The following MEIKIN variants were observed in gnomAD, a reference collection of about 807,000 sequenced individuals.
The protein encoded by MEIKIN is meiosis-specific kinetochore protein.
chr5:131,827,802 A>C (rs1179376650), intron 11 of MEIKIN, among the ~76,000 whole-genome samples: 1 of 152,222 alleles, frequency 6.6e-6, no homozygotes, highest in African/African-American at 2.4e-5. Context: ...ATTATCAACA[A>C]TTACAGAATA....
chr5:131,917,937 T>C lies in MEIKIN; in HGVS notation c.599-1012A>G, dbSNP rs149204682. Among the ~76,000 whole-genome samples the C allele has an allele frequency of 5.2e-3, 790 of 152,062 alleles. 4 individuals are homozygous for C. Among genetic ancestry groups the C allele is most frequent in the African/African-American group, 0.017 (725 of 41,478 alleles). ...GTTTTTGCTGGTAACAGTCACCTCATTTTTTTTCCCCCGAGGGTCCAGGCA... is the reference window on the plus strand; with the variant it reads ...GTTTTTGCTGGTAACAGTCACCTCACTTTTTTTCCCCCGAGGGTCCAGGCA... On this transcript the variant is annotated intron_variant, in intron 6 of 12. Coordinates refer to ENST00000442687, the MANE Select transcript of MEIKIN (RefSeq NM_001303622.2).
At chr5:131,894,661 A>G (rs1465858338) in intron 8 of MEIKIN, among the ~76,000 whole-genome samples, 1 of 152,144 alleles carries the variant, frequency 6.6e-6, no homozygotes, top group Non-Finnish European at 1.5e-5. Flanking sequence ...CTTTGTAGCA[A>G]TTGTGAATGG....
chr5:131,891,553 T>G (rs1750918263), intron 8 of MEIKIN, among the ~76,000 whole-genome samples: 2 of 152,212 alleles, frequency 1.3e-5, no homozygotes, highest in South Asian at 2.1e-4. Flanking sequence ...TGCCTTTTTT[T>G]GTTTTCCATT....
intron 4 of MEIKIN, among the ~76,000 whole-genome samples, chr5:131,940,458 T>C (rs1479857584): frequency 2.0e-5 from 3 of 152,234 alleles, no homozygotes; most frequent in African/African-American, 7.2e-5. Context: ...ATATTATGGA[T>C]TCAGCGGCCT....
rs140611106 is a variant in MEIKIN, at chr5:131,920,522, G to A, written c.598+1300C>T. 4.8e-3 allele frequency among the ~76,000 whole-genome samples: 736 copies of A among 152,222 alleles called. 2 individuals are homozygous for A. Among genetic ancestry groups the A allele is most frequent in the Non-Finnish European group, 6.7e-3 (454 of 68,022 alleles). ...AGAGAAAACATAATCTTTAATTGGA[G>A]AAATTCAGCAGATACCACCTTAACT... On this transcript the variant is annotated intron_variant, in intron 6 of 12. Coordinates refer to ENST00000442687, the MANE Select transcript of MEIKIN (RefSeq NM_001303622.2).
chr5:131,895,239 C>T (rs1751016477), intron 8 of MEIKIN, among the ~76,000 whole-genome samples: 1 of 152,112 alleles, frequency 6.6e-6, no homozygotes, highest in African/African-American at 2.4e-5. Context: ...GGATGAAGCC[C>T]ACTGGATCAT....
intron 9 of MEIKIN, among the ~76,000 whole-genome samples, chr5:131,869,757 T>C (rs370797531): frequency 9.2e-5 from 14 of 152,322 alleles, no homozygotes; most frequent in East Asian, 5.8e-4. Flanking sequence ...CTCTCAGATT[T>C]GTCCATATTC....
At chr5:131,819,021 G>A (rs1393981728) in intron 11 of MEIKIN, among the ~76,000 whole-genome samples, 158 bp from the exon 12 acceptor site, 2 of 152,032 alleles carry the variant, frequency 1.3e-5, no homozygotes, top group African/African-American at 4.8e-5. Flanking sequence ...ACAGTAATTG[G>A]TTTTAAAACA....
chr5:131,829,590 G>A (rs1749678859), intron 11 of MEIKIN, among the ~76,000 whole-genome samples: 2 of 152,108 alleles, frequency 1.3e-5, no homozygotes, highest in Non-Finnish European at 2.9e-5. Flanking sequence ...GAGTTTAGGA[G>A]GGACTAAACA....
intron 7 of MEIKIN, among the ~76,000 whole-genome samples, chr5:131,914,428 G>A: frequency 6.9e-6 from 1 of 144,770 alleles, no homozygotes; most frequent in African/African-American, 2.6e-5. Context: ...AGGAAGGAAG[G>A]AAGAAGGATG....
intron 8 of MEIKIN, among the ~76,000 whole-genome samples, chr5:131,895,105 T>C (rs1430793489): frequency 1.3e-5 from 2 of 152,240 alleles, no homozygotes; most frequent in Non-Finnish European, 2.9e-5. Flanking sequence ...GAAGGGCTGT[T>C]GAATTTTGTC....
intron 11 of MEIKIN, among the ~76,000 whole-genome samples, chr5:131,836,838 G>A (rs1174098152): frequency 1.3e-5 from 2 of 151,840 alleles, no homozygotes; most frequent in African/African-American, 4.8e-5. Flanking sequence ...CTCCCACTCT[G>A]TAGGTTGTCT....
chr5:131,864,617 G>A (rs559534947), intron 9 of MEIKIN, among the ~76,000 whole-genome samples: 1 of 152,254 alleles, frequency 6.6e-6, no homozygotes, highest in East Asian at 1.9e-4. Context: ...TTTCCTTTAT[G>A]ACTAGATACT....
chr5:131,931,855 T>C (rs991011981), intron 5 of MEIKIN, among the ~76,000 whole-genome samples: 1 of 152,230 alleles, frequency 6.6e-6, no homozygotes, highest in Non-Finnish European at 1.5e-5. Context: ...TTGATATCTC[T>C]TTTTAATGTT....
intron 9 of MEIKIN, among the ~76,000 whole-genome samples, chr5:131,856,269 T>C (rs1473028391): frequency 1.3e-5 from 2 of 152,184 alleles, no homozygotes; most frequent in African/African-American, 4.8e-5. Context: ...ACCTATGGTG[T>C]CTGGAGAGTA....
intron 6 of MEIKIN, among the ~76,000 whole-genome samples, chr5:131,917,426 C>G (rs1039466719): frequency 6.6e-6 from 1 of 151,690 alleles, no homozygotes; most frequent in South Asian, 2.1e-4. Context: ...ATTAGCCGGC[C>G]GTGGCAGCAT....
chr5:131,902,711 G>C (rs1751180025), intron 8 of MEIKIN, among the ~76,000 whole-genome samples: 1 of 152,138 alleles, frequency 6.6e-6, no homozygotes, highest in African/African-American at 2.4e-5. Context: ...GAAAGAACCA[G>C]TGCAAAAACT....
chr5:131,817,855 T>A (rs1055316062), intron 12 of MEIKIN, among the ~76,000 whole-genome samples: 12 of 152,202 alleles, frequency 7.9e-5, no homozygotes, highest in African/African-American at 2.4e-4. Context: ...CATATCTAAC[T>A]AAATTTCAAT....
chr5:131,944,608 G>T, intron 3 of MEIKIN, 57 bp downstream of exon 3: 1 of 398,912 alleles, frequency 2.5e-6, no homozygotes, highest in Non-Finnish European at 4.4e-6. Flanking sequence ...AGGTACATCA[G>T]GTACTGATAG....
Sources: allele counts gnomAD v4.1 joint callset (sites outside exome capture counted in the v4.1 genomes callset), GRCh38; gene constraint gnomAD v4.1.1; transcripts MANE v1.5; gene names NCBI Gene and HGNC (gene_info 2026-07-23, HGNC 2026-07-21).